ABAT: variants seen among roughly 807,000 people sequenced by gnomAD.
ABAT encodes the protein 4-aminobutyrate aminotransferase, mitochondrial.
ABAT carries 45 observed loss-of-function variants against 64.6 expected under a neutral mutation model. The ratio of observed to expected loss-of-function variants is 0.70; its 90% confidence interval spans 0.55 to 0.89. ABAT has a LOEUF of 0.89. Ranked by LOEUF, ABAT falls within the 40% of genes least tolerant of loss-of-function variation. The pLI is 0.00. For synonymous variants in ABAT, 297 were observed against 250.5 expected, an observed-to-expected ratio of 1.19 and a Z score of -1.75; for missense variants, 633 against 658.4, an observed-to-expected ratio of 0.96 and a Z score of 0.42.
intron 11 of ABAT, 55 bp downstream of exon 11, chr16:8,769,028 G>C: frequency 6.2e-7 from 1 of 1,609,746 alleles, no homozygotes. Context: ...TGCTCTTGCC[G>C]CCCCAAGACT....
intron 6 of ABAT, among the ~76,000 whole-genome samples, chr16:8,763,099 T>C (rs2059843841): frequency 1.1e-5 from 1 of 91,256 alleles, no homozygotes; most frequent in African/African-American, 4.4e-5. Flanking sequence ...AGCAAGACCC[T>C]GTAACAAAAA....
intron 1 of ABAT, among the ~76,000 whole-genome samples, chr16:8,728,918 C>T (rs1389130548): frequency 2.6e-5 from 4 of 152,178 alleles, no homozygotes; most frequent in Non-Finnish European, 5.9e-5. Flanking sequence ...GCCACACTTT[C>T]CAAGCCCACA....
chr16:8,775,056 C>T lies in ABAT; in HGVS notation c.1121C>T (p.Ala374Val). The part of the protein sequence containing the change: ...FFHKEEFRPN[A>V]PYRIFNTWLG... ...CACAAGGAGGAGTTCAGGCCTAATGCTGTGAGTTGGAGCCAACCTTCTCTC... is the reference window on the plus strand; with the variant it reads ...CACAAGGAGGAGTTCAGGCCTAATGTTGTGAGTTGGAGCCAACCTTCTCTC... Residue 374 changes from alanine to valine, a missense_variant and splice_region_variant, in exon 13 of 16, where the codon GCT (alanine) becomes GTT (valine). By Grantham distance (64) the Ala-to-Val change is moderately conservative (BLOSUM62 0). Coordinates refer to ENST00000268251, the MANE Select transcript of ABAT (RefSeq NM_020686.6). The T allele has an allele frequency of 6.2e-7, 1 of 1,614,220 alleles. No homozygotes were observed. Among genetic ancestry groups the T allele is most frequent in the African/African-American group, 1.3e-5 (1 of 75,062 alleles).
chr16:8,748,136 A>C lies in ABAT; in HGVS notation c.197A>C (p.Gln66Pro). The C allele has an allele frequency of 6.2e-7, 1 of 1,613,408 alleles. No individual in the cohort carries two copies. Among genetic ancestry groups the C allele is most frequent in the Non-Finnish European group, 8.5e-7 (1 of 1,179,444 alleles). ...QELMKQLNII[Q>P]NAEAVHFFCN... ...TTAATGAAACAGCTGAATATAATTC[A>C]GGTAAGTGAGGAGGAGGTAACTTTC... Residue 66 changes from glutamine to proline, a missense_variant and splice_region_variant, in exon 4 of 16, where the codon CAG becomes CCG. By Grantham distance (76) the Gln-to-Pro change is moderately conservative. Coordinates refer to ENST00000268251, the MANE Select transcript of ABAT (RefSeq NM_020686.6).
chr16:8,764,618 G>A lies in ABAT; in HGVS notation c.448-120G>A, dbSNP rs1371434507. On this transcript the variant is annotated intron_variant, in intron 7 of 15. Coordinates refer to ENST00000268251, the MANE Select transcript of ABAT (RefSeq NM_020686.6). This position sits in a 1 kb window ranked among gnomAD's most constrained non-coding sequence, Gnocchi z 4.2. The stretch of plus-strand genomic sequence containing the variant: ...ACCCTCCCAGTCCGACACCTTCCAG[G>A]ACAGCCCTGGTTCTGTCTGTCCCCG... The A allele has an allele frequency of 1.0e-6, 1 of 986,572 alleles. No individual in the cohort carries two copies. The highest frequency in any genetic ancestry group is 1.6e-5 in the African/African-American group (1 of 62,502). 61.1% of individuals were successfully genotyped at this position (986,572 alleles called of 1,614,324 possible). A position where few individuals can be genotyped will look rare whatever the true frequency, so the allele number is the denominator to read the frequency against.
At chr16:8,756,010 C>G (rs1401261798) in intron 5 of ABAT, among the ~76,000 whole-genome samples, 1 of 151,914 alleles carries the variant, frequency 6.6e-6, no homozygotes, top group Non-Finnish European at 1.5e-5. Context: ...GATTGCTCCA[C>G]TTCACTCCAG....
intron 5 of ABAT, among the ~76,000 whole-genome samples, chr16:8,753,929 A>G (rs1274911693): frequency 6.6e-6 from 1 of 152,100 alleles, no homozygotes; most frequent in African/African-American, 2.4e-5. Flanking sequence ...ACCTGTCTCC[A>G]CTGGCTGATC....
At chr16:8,767,728 T>A (rs1426960911) in intron 9 of ABAT, among the ~76,000 whole-genome samples, 1 of 152,166 alleles carries the variant, frequency 6.6e-6, no homozygotes, top group Admixed American at 6.5e-5. Context: ...CAGGCTGGGG[T>A]GCAGTGGCGC....
rs776157203 is a variant in ABAT, at chr16:8,745,986, C to G, written c.71-15C>G. ...GCTGTCACCAGGGATTTCTCATTGT[C>G]TTTGTTTACTGCAGGATCCAGACAC... On this transcript the variant is annotated splice_polypyrimidine_tract_variant and intron_variant, in intron 2 of 15. Transcript: ENST00000268251. 1.2e-6 allele frequency: 2 copies of G among 1,612,166 alleles called. No individual in the cohort carries two copies. Among genetic ancestry groups the G allele is most frequent in the Non-Finnish European group, 8.5e-7 (1 of 1,178,500 alleles).
chr16:8,738,155 T>C (rs2059037740), intron 2 of ABAT, among the ~76,000 whole-genome samples: 1 of 151,350 alleles, frequency 6.6e-6, no homozygotes, highest in African/African-American at 2.4e-5. Flanking sequence ...ACCCTGTCTC[T>C]GTGAAAAATA....
At position 8,733,323 on chromosome 16, in the gene ABAT, G is replaced by C. The variant is rs1018685418; in HGVS notation, c.-41-2376G>C. Among the ~76,000 whole-genome samples, 47 of 151,332 alleles carry C rather than the reference G, an allele frequency of 3.1e-4. 1 individual carries two copies. Among genetic ancestry groups the C allele is most frequent in the African/African-American group, 1.1e-3 (43 of 40,712 alleles). On this transcript the variant is annotated intron_variant, in intron 1 of 15. Coordinates refer to ENST00000268251, the MANE Select transcript of ABAT (RefSeq NM_020686.6). ...ACTTCCTAGGTGGGATGGCGGCCGG[G>C]CGGAGACGCTCCTCACTTTCCAGAC... is the stretch of plus-strand genomic sequence containing the variant.
intron 1 of ABAT, among the ~76,000 whole-genome samples, chr16:8,722,273 C>A (rs1004504223): frequency 3.9e-5 from 6 of 152,170 alleles, no homozygotes; most frequent in Non-Finnish European, 7.3e-5. Flanking sequence ...GCAAATAAAA[C>A]TTGACGGGGG....
rs367566751 is a variant in ABAT at position 8,756,121 on chromosome 16, G to A, written c.317-1636G>A. ...CCAGCTACTCCGGAGGCTGAGGCAC[G>A]AGACACGAGAATCGCTTGAACCTGG... On this transcript the variant is annotated intron_variant, in intron 5 of 15. Transcript: ENST00000268251. Among the ~76,000 whole-genome samples the A allele has an allele frequency of 2.2e-4, 34 of 152,130 alleles. No individual in the cohort carries two copies. The South Asian group carries it at 6.9e-3, about 31-fold the overall frequency.
intron 1 of ABAT, chr16:8,722,962 G>A: frequency 1.1e-6 from 1 of 945,618 alleles, no homozygotes; most frequent in South Asian, 1.4e-5. Flanking sequence ...GATCCAGCCA[G>A]GCAAGGTGGC....
intron 12 of ABAT, 44 bp downstream of exon 12, chr16:8,772,961 T>A: frequency 6.2e-7 from 1 of 1,611,912 alleles, no homozygotes; most frequent in Non-Finnish European, 8.5e-7. Flanking sequence ...TTGGGTTTTC[T>A]GGGTTGAGTT....
At chr16:8,719,504 G>A (rs1027584373) in intron 1 of ABAT, among the ~76,000 whole-genome samples, 11 of 152,168 alleles carry the variant, frequency 7.2e-5, no homozygotes, top group Admixed American at 2.6e-4. Context: ...TAGCAACGAT[G>A]TGTTCGTTCT....
intron 1 of ABAT, chr16:8,722,744 C>T: frequency 1.0e-5 from 12 of 1,169,268 alleles, no homozygotes; most frequent in Non-Finnish European, 1.4e-5. Flanking sequence ...AACCAGGAAT[C>T]CTTCACCTGC....
intron 1 of ABAT, among the ~76,000 whole-genome samples, chr16:8,712,467 G>T (rs1354007311): frequency 1.3e-5 from 2 of 152,156 alleles, no homozygotes; most frequent in Non-Finnish European, 2.9e-5. Flanking sequence ...GCATTGGAAA[G>T]TTTCATAAAA....
chr16:8,713,961 G>T, intron 1 of ABAT: 1 of 454,998 alleles, frequency 2.2e-6, no homozygotes, highest in Non-Finnish European at 4.4e-6. Context: ...GTCAGTGCCT[G>T]TTATCTGTGG....
Sources: gnomAD v4.1 joint callset for allele counts (sites outside exome capture counted in the v4.1 genomes callset) on GRCh38, gnomAD v4.1.1 for gene constraint, Gnocchi (gnomAD v3.1) non-coding constraint, MANE v1.5 for transcripts, NCBI Gene and HGNC (gene_info 2026-07-23, HGNC 2026-07-21) for gene names.